Variants in NDUFAF7 observed in about 807,000 individuals in gnomAD.
The protein encoded by NDUFAF7 is protein arginine methyltransferase NDUFAF7, mitochondrial.
Under a neutral mutation model 47.2 loss-of-function variants are expected in NDUFAF7, and 48 were observed. The observed-to-expected ratio is 1.02, with a 90% CI of 0.81 to 1.29. The LOEUF (loss-of-function observed/expected upper bound fraction) is 1.29. Ranked by LOEUF, NDUFAF7 falls within the 50% of genes most tolerant of loss-of-function variation. NDUFAF7 has a pLI of 0.00. For synonymous variants in NDUFAF7, 217 were observed against 190.0 expected (o/e 1.14, Z -1.17); for missense variants, 635 against 537.6 (o/e 1.18, Z -1.79).
intron 2 of NDUFAF7, among the ~76,000 whole-genome samples, chr2:37,234,764 C>T (rs906679491): frequency 4.6e-5 from 7 of 151,944 alleles, no homozygotes; most frequent in Non-Finnish European, 8.8e-5. Context: ...AGAGCACAGG[C>T]GGAGGGATTA....
At chr2:37,257,195 A>C (rs1446377256), downstream of NDUFAF7, among the ~76,000 whole-genome samples, 1 of 152,056 alleles carries the variant, frequency 6.6e-6, no homozygotes, top group East Asian at 1.9e-4. Flanking sequence ...CAAATACCAG[A>C]CTGGTGTTAT....
chr2:37,262,612 T>C, the NDUFAF7 span, among the ~76,000 whole-genome samples: 1 of 152,218 alleles, frequency 6.6e-6, no homozygotes, highest in African/African-American at 2.4e-5. Context: ...CAGAATATTA[T>C]AACTTTTATC....
chr2:37,247,884 G>C (rs1328901427), intron 9 of NDUFAF7, among the ~76,000 whole-genome samples: 1 of 152,166 alleles, frequency 6.6e-6, no homozygotes, highest in African/African-American at 2.4e-5. Flanking sequence ...TTTTCTAACT[G>C]TTCTTCTGAG....
chr2:37,270,997 T>C, the NDUFAF7 span, among the ~76,000 whole-genome samples: 1 of 152,210 alleles, frequency 6.6e-6, no homozygotes, highest in Non-Finnish European at 1.5e-5. Flanking sequence ...CCCAAGAATA[T>C]GCTGTCTATT....
chr2:37,242,750 C>G, intron 6 of NDUFAF7, 57 bp downstream of exon 6: 1 of 1,314,642 alleles, frequency 7.6e-7, no homozygotes, highest in Admixed American at 1.7e-5. Context: ...CATTGTGTTG[C>G]CAATGTTTAT....
intron 4 of NDUFAF7, among the ~76,000 whole-genome samples, 154 bp downstream of exon 4, chr2:37,238,021 A>G (rs1665972138): frequency 6.7e-6 from 1 of 150,290 alleles, no homozygotes; most frequent in South Asian, 2.1e-4. Flanking sequence ...GTCATTACTT[A>G]CTGTTGTCTG....
chr2:37,256,344 G>T (rs957192969), downstream of NDUFAF7, among the ~76,000 whole-genome samples: 1 of 151,944 alleles, frequency 6.6e-6, no homozygotes, highest in African/African-American at 2.4e-5. Flanking sequence ...CCTGAAGATA[G>T]ATTTGGCAGT....
rs570216133 is a variant in NDUFAF7, at chr2:37,233,069, G to A, written c.216+803G>A. Among the ~76,000 whole-genome samples the A allele has an allele frequency of 8.3e-4, 127 of 152,302 alleles. No homozygotes were observed. In the South Asian group the frequency reaches 9.7e-3, roughly 12 times the overall value. The stretch of plus-strand genomic sequence containing the variant: ...ATAGGTGGCTTAGACTAGTGTGGTG[G>A]TACTAGAAATAGAAGAGGGTGATTT... On this transcript the variant is annotated intron_variant, in intron 2 of 9. Transcript: ENST00000002125.
At chr2:37,266,954 G>A in the NDUFAF7 span, among the ~76,000 whole-genome samples, 1 of 152,146 alleles carries the variant, frequency 6.6e-6, no homozygotes, top group Non-Finnish European at 1.5e-5. Flanking sequence ...AATGCTAGAT[G>A]AAAAACACAT....
the NDUFAF7 span, among the ~76,000 whole-genome samples, chr2:37,261,609 A>C: frequency 6.6e-6 from 1 of 150,984 alleles, no homozygotes; most frequent in Non-Finnish European, 1.5e-5. Flanking sequence ...GGAGAAACCT[A>C]GTCTCTACTA....
At chr2:37,251,088 G>A (rs954358301), downstream of NDUFAF7, 8 of 152,566 alleles carry the variant, frequency 5.2e-5, no homozygotes, top group Non-Finnish European at 1.0e-4. Context: ...AACCACAGTA[G>A]ATTGATTGCC....
At chr2:37,232,294 G>A (rs760742763) in intron 2 of NDUFAF7, 28 bp downstream of exon 2, 2 of 1,611,722 alleles carry the variant, frequency 1.2e-6, no homozygotes, top group Middle Eastern at 2.2e-4. Context: ...CGAGGACTAG[G>A]CCCTCTCTAG....
At chr2:37,264,746 G>GA in the NDUFAF7 span, among the ~76,000 whole-genome samples, 7 of 149,884 alleles carry the variant, frequency 4.7e-5, no homozygotes, top group East Asian at 2.0e-4. Flanking sequence ...TTTTGGGGGG[G>GA]AAAAAAAAAG....
At chr2:37,243,687 G>A (rs1480045846) in intron 6 of NDUFAF7, among the ~76,000 whole-genome samples, 176 bp from the exon 7 acceptor site, 1 of 152,008 alleles carries the variant, frequency 6.6e-6, no homozygotes, top group Non-Finnish European at 1.5e-5. Flanking sequence ...CTTTTGCATC[G>A]ATTGGTCTAC....
At chr2:37,247,368 T>A in intron 8 of NDUFAF7, 88 bp from the exon 9 acceptor site, 3 of 1,455,810 alleles carry the variant, frequency 2.1e-6, no homozygotes, top group Non-Finnish European at 2.9e-6. Flanking sequence ...CAAGCATTAA[T>A]GTAAATATTA....
intron 8 of NDUFAF7, among the ~76,000 whole-genome samples, chr2:37,246,708 AT>A (rs1217716312): frequency 6.6e-6 from 1 of 152,164 alleles, no homozygotes; most frequent in Non-Finnish European, 1.5e-5. Context: ...ATTGAAAAAC[AT>A]TTAACTAAAT....
chr2:37,235,183 C>T (rs1414976415), intron 2 of NDUFAF7, among the ~76,000 whole-genome samples: 1 of 151,530 alleles, frequency 6.6e-6, no homozygotes, highest in Non-Finnish European at 1.5e-5. Flanking sequence ...GAGTATAAGA[C>T]TGCCAGGGAA....
At chr2:37,257,944 T>A (rs965193229), downstream of NDUFAF7, among the ~76,000 whole-genome samples, 2 of 152,174 alleles carry the variant, frequency 1.3e-5, no homozygotes, top group African/African-American at 4.8e-5. Flanking sequence ...CCATAGTCAC[T>A]ACCACATCCT....
At chr2:37,247,222 AT>A (rs561701115) in intron 8 of NDUFAF7, 521 of 537,586 alleles carry the variant, frequency 9.7e-4, no homozygotes, top group Non-Finnish European at 1.3e-3. Context: ...ACGTGATTTC[AT>A]TTTTTTTTAT....
Sources: gnomAD v4.1 joint callset for allele counts (sites outside exome capture counted in the v4.1 genomes callset) on GRCh38, gnomAD v4.1.1 for gene constraint, MANE v1.5 for transcripts, NCBI Gene and HGNC (gene_info 2026-07-23, HGNC 2026-07-21) for gene names.